The following EFL1 variants were observed in gnomAD, a reference collection of about 807,000 sequenced individuals.
The protein encoded by EFL1 is elongation factor like GTPase 1, also known as elongation factor-like GTPase 1.
EFL1 carries 76 observed loss-of-function variants against 126.7 expected under a neutral mutation model. The observed-to-expected ratio is 0.60, with a 90% confidence interval of 0.50 to 0.73. EFL1 has a LOEUF of 0.73. EFL1 is among the 30% of genes least tolerant of loss of function. The pLI is 0.00. For missense variants in EFL1, 1,128 were observed against 1,343.2 expected (o/e 0.84, Z 2.50); for synonymous variants, 410 against 448.4 (o/e 0.91, Z 1.08).
chr15:82,242,007 A>G (rs1371830775), intron 4 of EFL1, among the ~76,000 whole-genome samples: 1 of 152,220 alleles, frequency 6.6e-6, no homozygotes, highest in Admixed American at 6.5e-5. Context: ...TTAAACTTAT[A>G]GTAGGGTGAT....
At chr15:82,247,160 TG>T (rs2074980396) in intron 4 of EFL1, among the ~76,000 whole-genome samples, 1 of 151,976 alleles carries the variant, frequency 6.6e-6, no homozygotes, top group South Asian at 2.1e-4. Context: ...AGTCAAAGAA[TG>T]GGTACCTCAT....
chr15:82,202,886 A>T (rs771514634), intron 15 of EFL1, among the ~76,000 whole-genome samples: 2 of 149,628 alleles, frequency 1.3e-5, no homozygotes, highest in Admixed American at 6.7e-5. Flanking sequence ...ATCTCAGTTC[A>T]CTGTAACCTC....
At chr15:82,206,079 C>G (rs1183365388) in intron 15 of EFL1, among the ~76,000 whole-genome samples, 3 of 152,090 alleles carry the variant, frequency 2.0e-5, no homozygotes, top group Non-Finnish European at 4.4e-5. Flanking sequence ...CAACTGTAAT[C>G]CACTAGTCGC....
At chr15:82,138,963 T>G in intron 18 of EFL1, 121 bp from the exon 19 acceptor site, 1 of 945,810 alleles carries the variant, frequency 1.1e-6, no homozygotes, top group Non-Finnish European at 1.5e-6. Context: ...CTCAATAATG[T>G]TGATTTACAA....
chr15:82,159,197 G>C (rs1291494365), intron 16 of EFL1, among the ~76,000 whole-genome samples: 1 of 151,946 alleles, frequency 6.6e-6, no homozygotes, highest in African/African-American at 2.4e-5. Flanking sequence ...ATTATCTAGT[G>C]TTAACTAAGC....
intron 15 of EFL1, among the ~76,000 whole-genome samples, chr15:82,183,581 C>T (rs1038908476): frequency 6.6e-6 from 1 of 152,140 alleles, no homozygotes; most frequent in Non-Finnish European, 1.5e-5. Flanking sequence ...ACTTGCACCA[C>T]CCTCCCTAAA....
intron 15 of EFL1, among the ~76,000 whole-genome samples, chr15:82,200,862 A>G (rs979345618): frequency 6.6e-6 from 1 of 152,176 alleles, no homozygotes; most frequent in African/African-American, 2.4e-5. Context: ...ATATTTCTAT[A>G]CTTTCTATCT....
At position 82,211,592 on chromosome 15, in the gene EFL1, C is replaced by CACACACACACACACACACACACACACA. The variant is rs1567064834; in HGVS notation, c.1750+3124_1750+3125insTGTGTGTGTGTGTGTGTGTGTGTGTGT. 8.3e-5 allele frequency among the ~76,000 whole-genome samples: 5 copies of CACACACACACACACACACACACACACA among 60,126 alleles called. No individual in the cohort carries two copies. The East Asian group carries it at 9.2e-4, about 11-fold the overall frequency. The allele number at this position is 60,126 out of a possible 152,430, so 39.4% of individuals were successfully genotyped here. ...CACACACACACACACTAGACACATACTAGACACACACACACACACACACAC... is the reference window on the plus strand; with the variant it reads ...CACACACACACACACTAGACACATACACACACACACACACACACACACACACATAGACACACACACACACACACACAC... On this transcript the variant is annotated intron_variant, in intron 15 of 19. Transcript: ENST00000268206.
intron 17 of EFL1, among the ~76,000 whole-genome samples, chr15:82,155,758 ATATT>A (rs1008392027): frequency 1.2e-4 from 18 of 152,234 alleles, no homozygotes; most frequent in Non-Finnish European, 2.9e-5. Context: ...TCACTTAAAA[ATATT>A]TAACCACTCT....
intron 2 of EFL1, among the ~76,000 whole-genome samples, chr15:82,259,585 C>T (rs574067249): frequency 2.0e-5 from 3 of 152,222 alleles, no homozygotes; most frequent in African/African-American, 7.2e-5. Context: ...CTGTAACAAC[C>T]AATGAAACCT....
At chr15:82,188,777 A>C (rs1236312317) in intron 15 of EFL1, among the ~76,000 whole-genome samples, 1 of 152,144 alleles carries the variant, frequency 6.6e-6, no homozygotes, top group South Asian at 2.1e-4. Context: ...GTTGTTCTCT[A>C]TTCTTTCCTC....
chr15:82,260,324 G>A (rs1455830902), intron 2 of EFL1, among the ~76,000 whole-genome samples: 5 of 152,092 alleles, frequency 3.3e-5, no homozygotes, highest in Non-Finnish European at 7.4e-5. Flanking sequence ...GTTACTCACT[G>A]GATTTGTACT....
Position 82,151,866 on chromosome 15 carries a change from C to T in EFL1, c.2588G>A (p.Arg863Gln), listed in dbSNP as rs752969184. ...ACTCACAATGCTATTGCCCAAATCTCGGTATCTACTGGCTTCTTTTGAAGC... is the reference window on the plus strand; with the variant it reads ...ACTCACAATGCTATTGCCCAAATCTTGGTATCTACTGGCTTCTTTTGAAGC... ...DKASKEASRY[R>Q]DLGNSIVSGF... Residue 863 changes from arginine (R) to glutamine (Q), a missense_variant, in exon 18 of 20, where the codon CGA becomes CAA. Arg to Gln is a conservative substitution (Grantham distance 43). Transcript: ENST00000268206. 4 of 1,614,132 alleles carry T rather than the reference C, an allele frequency of 2.5e-6. No homozygotes were observed. Among genetic ancestry groups the T allele is most frequent in the East Asian group, 2.2e-5 (1 of 44,860 alleles).
intron 15 of EFL1, among the ~76,000 whole-genome samples, chr15:82,189,697 C>T (rs1360417249): frequency 6.6e-6 from 1 of 152,112 alleles, no homozygotes; most frequent in Non-Finnish European, 1.5e-5. Context: ...AGCCCAAGTC[C>T]TTAAAAATTC....
intron 19 of EFL1, among the ~76,000 whole-genome samples, chr15:82,133,917 C>T (rs1305838507): frequency 6.6e-6 from 1 of 152,072 alleles, no homozygotes; most frequent in Non-Finnish European, 1.5e-5. Flanking sequence ...CGGGGGTTGG[C>T]ACTTCACTGA....
chr15:82,233,411 G>T (rs190300119), intron 7 of EFL1, among the ~76,000 whole-genome samples: 15 of 152,262 alleles, frequency 9.9e-5, no homozygotes, highest in Middle Eastern at 3.4e-3. Context: ...CAAGACTACT[G>T]ATCTATTCAT....
rs770656841 is a variant in EFL1, at chr15:82,130,347, G to A, written c.*26C>T. 6.0e-5 allele frequency: 97 copies of A among 1,606,830 alleles called. No individual in the cohort carries two copies. The highest frequency in any genetic ancestry group is 8.1e-5 in the Non-Finnish European group (95 of 1,176,230). On this transcript the variant is annotated 3_prime_UTR_variant, in exon 20 of 20. Transcript: ENST00000268206. ...ATGATACTTTTAAATTCACTATAAG[G>A]AAAAGAATCCACCAGTAGTAGGTAG...
chr15:82,223,078 C>A (rs112326668), intron 12 of EFL1, among the ~76,000 whole-genome samples: 1 of 152,042 alleles, frequency 6.6e-6, no homozygotes, highest in Admixed American at 6.5e-5. Context: ...GCTTTGTGGG[C>A]GCCGAATCCT....
intron 19 of EFL1, among the ~76,000 whole-genome samples, chr15:82,137,292 A>T (rs532518243): frequency 6.6e-6 from 1 of 152,350 alleles, no homozygotes; most frequent in Non-Finnish European, 1.5e-5. Context: ...AAATGGACCC[A>T]TTAGGCTAAA....
Sources: allele counts gnomAD v4.1 joint callset (sites outside exome capture counted in the v4.1 genomes callset), GRCh38; gene constraint gnomAD v4.1.1; transcripts MANE v1.5; gene names NCBI Gene and HGNC (gene_info 2026-07-23, HGNC 2026-07-21).